Variants in NOS1AP observed in about 807,000 individuals in gnomAD.
NOS1AP encodes the protein nitric oxide synthase 1 adaptor protein, also known as carboxyl-terminal PDZ ligand of neuronal nitric oxide synthase protein.
In NOS1AP, 21 loss-of-function variants were observed where a neutral mutation model predicts 56.2. That is an observed-to-expected ratio of 0.37 (90% CI 0.26 to 0.54). The LOEUF is 0.54. NOS1AP is among the 20% of genes least tolerant of loss of function. NOS1AP has a pLI of 0.84. For synonymous variants in NOS1AP, 270 were observed against 274.6 expected (o/e 0.98, Z 0.17); for missense variants, 522 against 657.8 (o/e 0.79, Z 2.26).
At chr1:162,106,530 C>A (rs1031648194) in intron 1 of NOS1AP, among the ~76,000 whole-genome samples, 1 of 152,044 alleles carries the variant, frequency 6.6e-6, no homozygotes, top group Non-Finnish European at 1.5e-5. Context: ...TGTTTCTCAT[C>A]TTCTCTATTC....
At position 162,154,490 on chromosome 1, in the gene NOS1AP, G is replaced by A. The variant is rs1273653659; in HGVS notation, c.177+14G>A. The A allele has an allele frequency of 6.2e-7, 1 of 1,613,816 alleles. No homozygotes were observed. The highest frequency in any genetic ancestry group is 1.1e-5 in the South Asian group (1 of 91,066). ...CGCCGGATACGGGTGAGTGGCCAGA[G>A]GTGGACTGTGTGGAGCGGGGAGTCA... On this transcript the variant is annotated intron_variant, in intron 2 of 9. Coordinates refer to ENST00000361897, the MANE Select transcript of NOS1AP (RefSeq NM_014697.3).
intron 2 of NOS1AP, among the ~76,000 whole-genome samples, chr1:162,285,546 C>T (rs1655062583): frequency 1.3e-5 from 2 of 152,128 alleles, no homozygotes; most frequent in Admixed American, 6.5e-5. Context: ...GGCTGCTGAC[C>T]TAGAGAGGAA....
In NOS1AP at chr1:162,287,489, G is replaced by T. The variant is rs1183768041; in HGVS notation, c.270+53G>T. On this transcript the variant is annotated intron_variant, in intron 3 of 9. Coordinates refer to ENST00000361897, the MANE Select transcript of NOS1AP (RefSeq NM_014697.3). ...GTGAAGAGGAAAGCAGGGGAGGTAG[G>T]CATGGGGTACCTTCTTCTTCTGGGC... The T allele has an allele frequency of 4.2e-6, 5 of 1,183,068 alleles. No homozygotes were observed. In the African/African-American group the frequency reaches 7.5e-5, roughly 18 times the overall value. The allele number at this position is 1,183,068 out of a possible 1,614,324, so 73.3% of individuals were successfully genotyped here. A position where few individuals can be genotyped will look rare whatever the true frequency, so the allele number is the denominator to read the frequency against.
chr1:162,102,397 C>G (rs1647323220), intron 1 of NOS1AP, among the ~76,000 whole-genome samples: 1 of 152,120 alleles, frequency 6.6e-6, no homozygotes, highest in African/African-American at 2.4e-5. Flanking sequence ...GGATATTGGC[C>G]TGAAGTTTTC....
intron 4 of NOS1AP, among the ~76,000 whole-genome samples, chr1:162,306,376 C>G (rs2101760940): frequency 6.6e-6 from 1 of 152,254 alleles, no homozygotes; most frequent in South Asian, 2.1e-4. Flanking sequence ...CAGACTTAAG[C>G]AAAACAACTC....
chr1:162,112,397 G>A (rs1442962592), intron 1 of NOS1AP, among the ~76,000 whole-genome samples: 1 of 152,194 alleles, frequency 6.6e-6, no homozygotes, highest in Non-Finnish European at 1.5e-5. Context: ...TTGGCTCTAG[G>A]TTCTGATTCC....
In NOS1AP at chr1:162,368,864, C is replaced by A. The variant is rs1322417567; in HGVS notation, c.*1397C>A. On this transcript the variant is annotated 3_prime_UTR_variant, in exon 10 of 10. Coordinates refer to ENST00000361897, the MANE Select transcript of NOS1AP (RefSeq NM_014697.3). ...ACTGCAGTGTTATTGGAGGGTCAAT[C>A]GGCAAGGATATGATTATCCCAAAAT... is the stretch of plus-strand genomic sequence containing the variant. The A allele has an allele frequency of 6.6e-6, 1 of 152,202 alleles. No individual in the cohort carries two copies. Among genetic ancestry groups the A allele is most frequent in the Non-Finnish European group, 1.5e-5 (1 of 68,044 alleles). 9.4% of individuals were successfully genotyped at this position (152,202 alleles called of 1,614,324 possible).
intron 1 of NOS1AP, among the ~76,000 whole-genome samples, chr1:162,073,022 C>T (rs1691690734): frequency 6.6e-6 from 1 of 152,296 alleles, no homozygotes; most frequent in Admixed American, 6.5e-5. Flanking sequence ...GTATGCCACT[C>T]ATTTTCAGGG....
intron 2 of NOS1AP, among the ~76,000 whole-genome samples, chr1:162,242,994 T>C (rs1404291613): frequency 1.3e-5 from 2 of 148,334 alleles, no homozygotes; most frequent in Non-Finnish European, 3.0e-5. Flanking sequence ...CGCATACCCA[T>C]GTATACATAC....
intron 4 of NOS1AP, among the ~76,000 whole-genome samples, chr1:162,305,302 C>CT (rs907916003): frequency 7.2e-5 from 11 of 152,076 alleles, no homozygotes; most frequent in African/African-American, 9.6e-5. Flanking sequence ...CCATCACCCC[C>CT]TTTTTTTAGC....
chr1:162,225,379 G>A (rs1006652064), intron 2 of NOS1AP, among the ~76,000 whole-genome samples: 8 of 152,144 alleles, frequency 5.3e-5, no homozygotes, highest in Non-Finnish European at 1.2e-4. Context: ...CACAGAAGAT[G>A]CTCCAGCCCC....
intron 2 of NOS1AP, among the ~76,000 whole-genome samples, chr1:162,231,820 G>T (rs1331110974): frequency 6.6e-6 from 1 of 152,174 alleles, no homozygotes; most frequent in East Asian, 1.9e-4. Context: ...ATAATTAAAA[G>T]CCATGTTCTA....
intron 1 of NOS1AP, among the ~76,000 whole-genome samples, chr1:162,091,679 C>A (rs1329908287): frequency 6.6e-6 from 1 of 152,126 alleles, no homozygotes; most frequent in African/African-American, 2.4e-5. Flanking sequence ...ATAAATCCTG[C>A]TTATGTGTAA....
intron 2 of NOS1AP, among the ~76,000 whole-genome samples, chr1:162,204,561 A>G (rs967093545): frequency 3.3e-5 from 5 of 152,212 alleles, no homozygotes; most frequent in African/African-American, 1.2e-4. Context: ...GTTCACAGTT[A>G]GAGCTGGGAA....
rs996917707 is a variant in NOS1AP at position 162,368,720 on chromosome 1, G to A, written c.*1253G>A. On this transcript the variant is annotated 3_prime_UTR_variant, in exon 10 of 10. Transcript: ENST00000361897. ...AATGAGGAAAAGCTCCTTTGCTCCT[G>A]TAAGGCCATAAGTGGCTGTTAACAG... The A allele has an allele frequency of 3.9e-5, 6 of 152,270 alleles. No homozygotes were observed. Among genetic ancestry groups the A allele is most frequent in the Non-Finnish European group, 7.3e-5 (5 of 68,074 alleles). The allele number at this position is 152,270 out of a possible 1,614,324, so 9.4% of individuals were successfully genotyped here. A position where few individuals can be genotyped will look rare whatever the true frequency, so the allele number is the denominator to read the frequency against.
At chr1:162,199,648 GTA>G (rs879630741) in intron 2 of NOS1AP, among the ~76,000 whole-genome samples, 3,163 of 117,016 alleles carry the variant, frequency 0.027, 84 homozygotes, top group South Asian at 0.067. Context: ...GTGTCTGTGT[GTA>G]AATTCTTGCA....
chr1:162,235,194 C>G (rs1479871810), intron 2 of NOS1AP, among the ~76,000 whole-genome samples: 1 of 152,014 alleles, frequency 6.6e-6, no homozygotes, highest in Admixed American at 6.6e-5. Flanking sequence ...GGACCTGATT[C>G]TGAAAGCTTT....
In NOS1AP at chr1:162,367,811, T is replaced by C; in HGVS notation, c.*344T>C. 1 of 276,650 alleles carries C rather than the reference T, an allele frequency of 3.6e-6. No individual in the cohort carries two copies. The highest frequency in any genetic ancestry group is 6.9e-6 in the Non-Finnish European group (1 of 145,160). The allele number at this position is 276,650 out of a possible 1,614,324, so 17.1% of individuals were successfully genotyped here. On this transcript the variant is annotated 3_prime_UTR_variant, in exon 10 of 10. Coordinates refer to ENST00000361897, the MANE Select transcript of NOS1AP (RefSeq NM_014697.3). The surrounding 1 kb of genome is among the most constrained non-coding windows in gnomAD (Gnocchi z 6.5). ...CTGCTGCATCGTCAGGCTCCCACGCTTTGTCCGTGATGCCCCCCTACCCCC... is the reference window on the plus strand; with the variant it reads ...CTGCTGCATCGTCAGGCTCCCACGCCTTGTCCGTGATGCCCCCCTACCCCC...
Position 162,368,446 on chromosome 1 carries a change from A to AAAAAAAAG in NOS1AP, c.*984_*985insAAGAAAAA, listed in dbSNP as rs1224162017. On this transcript the variant is annotated 3_prime_UTR_variant, in exon 10 of 10. Coordinates refer to ENST00000361897, the MANE Select transcript of NOS1AP (RefSeq NM_014697.3). ...GTGGTCAGTTTTTACTGCAAAAAAA[A>AAAAAAAAG]AAAAAGAAAAAAGAGAAAGAAAAAA... 1.9e-3 allele frequency: 285 copies of AAAAAAAAG among 148,936 alleles called. No individual in the cohort carries two copies. Among genetic ancestry groups the AAAAAAAAG allele is most frequent in the African/African-American group, 6.7e-3 (277 of 41,038 alleles). 9.2% of individuals were successfully genotyped at this position (148,936 alleles called of 1,614,324 possible). A position where few individuals can be genotyped will look rare whatever the true frequency, so the allele number is the denominator to read the frequency against.
Sources: gnomAD v4.1 joint callset for allele counts (sites outside exome capture counted in the v4.1 genomes callset) on GRCh38, gnomAD v4.1.1 for gene constraint, Gnocchi (gnomAD v3.1) non-coding constraint, MANE v1.5 for transcripts, NCBI Gene and HGNC (gene_info 2026-07-23, HGNC 2026-07-21) for gene names.